The following LOC400499 variants were observed in gnomAD, a reference collection of about 807,000 sequenced individuals.
the LOC400499 span, chr16:11,414,568 G>C: frequency 2.5e-6 from 1 of 399,330 alleles, no homozygotes; most frequent in Non-Finnish European, 4.4e-6. Flanking sequence ...CCCAGCCCAG[G>C]AACACACCAG....
the LOC400499 span, among the ~76,000 whole-genome samples, chr16:11,458,854 G>C: frequency 1.7e-4 from 26 of 151,896 alleles, no homozygotes; most frequent in African/African-American, 6.0e-4. Context: ...GGCCAACATG[G>C]AGAAATCCCG....
At chr16:11,481,322 T>G in the LOC400499 span, among the ~76,000 whole-genome samples, 1 of 152,270 alleles carries the variant, frequency 6.6e-6, no homozygotes, top group Middle Eastern at 3.4e-3. Flanking sequence ...TACCATGGAA[T>G]TGTTCACTTT....
the LOC400499 span, chr16:11,440,656 G>C: frequency 7.5e-6 from 3 of 398,394 alleles, no homozygotes; most frequent in Non-Finnish European, 1.3e-5. Flanking sequence ...TCTCATACAG[G>C]GCACCTTCAC....
At chr16:11,517,964 C>G in the LOC400499 span, among the ~76,000 whole-genome samples, 2 of 152,226 alleles carry the variant, frequency 1.3e-5, no homozygotes, top group Non-Finnish European at 2.9e-5. Flanking sequence ...GCAGCGGTCA[C>G]TCTCCAGCTC....
At chr16:11,439,563 C>G in the LOC400499 span, 2 of 399,172 alleles carry the variant, frequency 5.0e-6, no homozygotes, top group Non-Finnish European at 8.8e-6. Flanking sequence ...GAGTCAGATC[C>G]GTTCAGCTGG....
At chr16:11,386,728 G>C in the LOC400499 span, among the ~76,000 whole-genome samples, 2 of 152,326 alleles carry the variant, frequency 1.3e-5, no homozygotes, top group South Asian at 4.2e-4. Context: ...GGTTAGACTT[G>C]ACTTGCCTGG....
the LOC400499 span, among the ~76,000 whole-genome samples, chr16:11,457,696 G>A: frequency 4.0e-5 from 6 of 151,884 alleles, no homozygotes; most frequent in Admixed American, 3.3e-4. Context: ...AGAATCGAAA[G>A]CATCAGATAT....
the LOC400499 span, among the ~76,000 whole-genome samples, chr16:11,456,511 G>A: frequency 6.6e-6 from 1 of 152,222 alleles, no homozygotes; most frequent in Non-Finnish European, 1.5e-5. Flanking sequence ...GAAGGAGGAA[G>A]GGCCTGACAC....
the LOC400499 span, among the ~76,000 whole-genome samples, chr16:11,422,011 C>T: frequency 2.0e-5 from 3 of 152,192 alleles, no homozygotes; most frequent in Non-Finnish European, 4.4e-5. Flanking sequence ...TCTGTAGTTC[C>T]CCACACAGCC....
chr16:11,386,975 G>C, the LOC400499 span: 1 of 579,202 alleles, frequency 1.7e-6, no homozygotes, highest in Non-Finnish European at 2.6e-6. Context: ...CTCAGCCCTA[G>C]TCCCATAGGA....
chr16:11,383,350 A>G, the LOC400499 span, among the ~76,000 whole-genome samples: 1 of 152,202 alleles, frequency 6.6e-6, no homozygotes, highest in Non-Finnish European at 1.5e-5. Flanking sequence ...TACAGGCGTG[A>G]GCCACCGTGC....
the LOC400499 span, chr16:11,411,361 C>A: frequency 2.5e-6 from 1 of 399,048 alleles, no homozygotes; most frequent in African/African-American, 2.1e-5. Flanking sequence ...CTGAAGCTGG[C>A]AAGACAGCAC....
the LOC400499 span, chr16:11,398,219 C>G: frequency 1.0e-5 from 8 of 766,220 alleles, no homozygotes; most frequent in Non-Finnish European, 1.2e-5. Context: ...AGGCAAATGG[C>G]AGAGCCACGA....
the LOC400499 span, among the ~76,000 whole-genome samples, chr16:11,428,175 T>A: frequency 1.3e-5 from 2 of 152,056 alleles, no homozygotes; most frequent in African/African-American, 4.8e-5. Context: ...CTCCCCTTTG[T>A]GTTTATTTTA....
the LOC400499 span, among the ~76,000 whole-genome samples, chr16:11,484,077 G>A: frequency 1.5e-5 from 2 of 133,548 alleles, no homozygotes; most frequent in East Asian, 2.2e-4. Flanking sequence ...GCGTGATTTC[G>A]GCTCACTGCA....
At chr16:11,508,889 T>C in the LOC400499 span, 3 of 398,970 alleles carry the variant, frequency 7.5e-6, no homozygotes, top group Non-Finnish European at 1.3e-5. Flanking sequence ...GATGACCATA[T>C]GGGGAAATGC....
the LOC400499 span, among the ~76,000 whole-genome samples, chr16:11,407,970 GTTTTT>G: frequency 9.5e-5 from 6 of 63,454 alleles, no homozygotes; most frequent in African/African-American, 3.6e-4. Context: ...TTCCAGAGCT[GTTTTT>G]TTTTTTTTTT....
At chr16:11,406,124 C>T in the LOC400499 span, among the ~76,000 whole-genome samples, 1 of 152,190 alleles carries the variant, frequency 6.6e-6, no homozygotes, top group South Asian at 2.1e-4. Context: ...ACCCAAATAT[C>T]GAACATCATA....
chr16:11,524,364 A>G, the LOC400499 span, among the ~76,000 whole-genome samples: 1 of 57,506 alleles, frequency 1.7e-5, no homozygotes, highest in African/African-American at 1.2e-4. Context: ...CCACCCAGCC[A>G]CCCACCCTCT....
Sources: allele counts gnomAD v4.1 joint callset (sites outside exome capture counted in the v4.1 genomes callset), GRCh38; gene constraint gnomAD v4.1.1; transcripts MANE v1.5.